FHIT: variants seen among roughly 807,000 people sequenced by gnomAD.
FHIT encodes fragile histidine triad diadenosine triphosphatase, also known as bis(5'-adenosyl)-triphosphatase.
Under a neutral mutation model 17.9 loss-of-function variants are expected in FHIT, and 19 were observed. That is an observed-to-expected ratio of 1.06 (90% CI 0.74 to 1.56). The LOEUF is 1.56. Among genes scored for constraint, FHIT ranks in the 40% most tolerant of loss-of-function variants. FHIT has a pLI of 0.00. For missense variants in FHIT, 248 were observed against 189.2 expected, an observed-to-expected ratio of 1.31 and a Z score of -1.82; for synonymous variants, 81 against 69.7, an observed-to-expected ratio of 1.16 and a Z score of -0.81.
chr3:61,146,193 A>G (rs905868816), intron 2 of FHIT, among the ~76,000 whole-genome samples: 2 of 152,040 alleles, frequency 1.3e-5, no homozygotes, highest in Non-Finnish European at 2.9e-5. Context: ...AATGAAACAT[A>G]TGCTGAGCTA....
At chr3:60,213,086 A>G (rs1430649759) in intron 5 of FHIT, among the ~76,000 whole-genome samples, 1 of 152,164 alleles carries the variant, frequency 6.6e-6, no homozygotes, top group African/African-American at 2.4e-5. Flanking sequence ...TTGATTATTC[A>G]AGATTCCTTG....
At chr3:60,718,229 G>A (rs2041730929) in intron 4 of FHIT, among the ~76,000 whole-genome samples, 1 of 152,136 alleles carries the variant, frequency 6.6e-6, no homozygotes, top group Non-Finnish European at 1.5e-5. Flanking sequence ...TTACCAAACT[G>A]ACTCAGATTT....
intron 5 of FHIT, among the ~76,000 whole-genome samples, chr3:60,467,139 C>T (rs770141266): frequency 6.6e-6 from 1 of 151,754 alleles, no homozygotes; most frequent in Admixed American, 6.6e-5. Context: ...CTAGGTTTTC[C>T]AATTTATTGG....
intron 2 of FHIT, among the ~76,000 whole-genome samples, chr3:61,083,847 GT>G (rs1241349880): frequency 1.2e-4 from 18 of 152,076 alleles, no homozygotes; most frequent in African/African-American, 4.3e-4. Flanking sequence ...TTCTCTACTT[GT>G]TTGTCTAATA....
intron 3 of FHIT, among the ~76,000 whole-genome samples, chr3:60,864,641 A>T (rs1704080157): frequency 6.6e-6 from 1 of 152,126 alleles, no homozygotes; most frequent in Admixed American, 6.6e-5. Context: ...AGTTGTCCTG[A>T]CTTGAAAGAC....
intron 3 of FHIT, among the ~76,000 whole-genome samples, chr3:60,995,532 G>A (rs2030609103): frequency 6.6e-6 from 1 of 152,066 alleles, no homozygotes; most frequent in Non-Finnish European, 1.5e-5. Flanking sequence ...CAGTTGCTGC[G>A]ACTACAGGTG....
At chr3:60,138,010 G>A (rs1699885524) in intron 5 of FHIT, among the ~76,000 whole-genome samples, 1 of 152,146 alleles carries the variant, frequency 6.6e-6, no homozygotes, top group Non-Finnish European at 1.5e-5. Flanking sequence ...CTATTCAATT[G>A]TCTAGTTTGA....
intron 3 of FHIT, among the ~76,000 whole-genome samples, chr3:61,024,142 A>G (rs1157832941): frequency 6.6e-6 from 1 of 152,118 alleles, no homozygotes; most frequent in African/African-American, 2.4e-5. Flanking sequence ...TGAGAGTTAT[A>G]TTCTTGTTAC....
At chr3:61,208,280 A>T (rs2039322604) in intron 1 of FHIT, among the ~76,000 whole-genome samples, 1 of 152,048 alleles carries the variant, frequency 6.6e-6, no homozygotes, top group Non-Finnish European at 1.5e-5. Flanking sequence ...GCTGAAAAAA[A>T]TGTATATTCT....
chr3:60,874,899 C>T (rs966936825), intron 3 of FHIT, among the ~76,000 whole-genome samples: 2 of 152,134 alleles, frequency 1.3e-5, no homozygotes, highest in Non-Finnish European at 2.9e-5. Flanking sequence ...ACTTACTGGA[C>T]GTGTGACCTT....
chr3:59,898,848 A>G (rs1324193881), intron 8 of FHIT, among the ~76,000 whole-genome samples: 1 of 152,202 alleles, frequency 6.6e-6, no homozygotes, highest in Non-Finnish European at 1.5e-5. Context: ...GGCTGGTAGT[A>G]TTTATTGAAC....
At chr3:61,073,382 G>A (rs947818711) in intron 2 of FHIT, among the ~76,000 whole-genome samples, 3 of 152,154 alleles carry the variant, frequency 2.0e-5, no homozygotes, top group Non-Finnish European at 4.4e-5. Flanking sequence ...CAAGTGACTG[G>A]ACAATTACTT....
At chr3:60,166,041 A>T (rs1701156585) in intron 5 of FHIT, among the ~76,000 whole-genome samples, 1 of 152,118 alleles carries the variant, frequency 6.6e-6, no homozygotes, top group African/African-American at 2.4e-5. Flanking sequence ...TTTTTCTCAC[A>T]TTCATCAAGG....
intron 3 of FHIT, among the ~76,000 whole-genome samples, chr3:60,931,372 A>C (rs1553771745): frequency 6.6e-6 from 1 of 152,258 alleles, no homozygotes; most frequent in African/African-American, 2.4e-5. Context: ...AATTTAAAAA[A>C]ATAATAAAAA....
rs781893881 is a variant in FHIT, at chr3:60,716,265, T to TCA, written c.-18+105652_-18+105653dup. Among the ~76,000 whole-genome samples, 14 of 150,286 alleles carry TCA rather than the reference T, an allele frequency of 9.3e-5. No individual in the cohort carries two copies. In the East Asian group the frequency reaches 9.7e-4, roughly 10 times the overall value. On this transcript the variant is annotated intron_variant, in intron 4 of 9. Coordinates refer to ENST00000492590, the MANE Select transcript of FHIT (RefSeq NM_002012.4). ...CTCAATAAAACTTACACACACACAC[T>TCA]CACACACACACACATGCAAAAAACC...
chr3:60,988,211 A>G (rs1191158701), intron 3 of FHIT, among the ~76,000 whole-genome samples: 5 of 152,248 alleles, frequency 3.3e-5, no homozygotes, highest in Admixed American at 1.3e-4. Flanking sequence ...ATAGCAGATG[A>G]CAATTGCTAC....
chr3:60,869,944 G>A (rs571011854), intron 3 of FHIT, among the ~76,000 whole-genome samples: 3 of 152,276 alleles, frequency 2.0e-5, no homozygotes, highest in East Asian at 1.9e-4. Flanking sequence ...ACCATTTAGT[G>A]TGGATTCTGA....
intron 5 of FHIT, among the ~76,000 whole-genome samples, chr3:60,206,046 T>C (rs1025046577): frequency 3.3e-5 from 5 of 149,532 alleles, no homozygotes; most frequent in African/African-American, 1.2e-4. Flanking sequence ...GGCAGGAGAA[T>C]GGCGTGAACC....
chr3:61,120,512 A>C (rs760228872), intron 2 of FHIT, among the ~76,000 whole-genome samples: 1 of 152,168 alleles, frequency 6.6e-6, no homozygotes, highest in East Asian at 1.9e-4. Flanking sequence ...TGGAGTGTAC[A>C]TCATCCCTTG....
Sources: gnomAD v4.1 joint callset for allele counts (sites outside exome capture counted in the v4.1 genomes callset) on GRCh38, gnomAD v4.1.1 for gene constraint, MANE v1.5 for transcripts, NCBI Gene and HGNC (gene_info 2026-07-23, HGNC 2026-07-21) for gene names.